The following UBE2G1 variants were observed in gnomAD, a reference collection of about 807,000 sequenced individuals.
UBE2G1 encodes the protein ubiquitin conjugating enzyme E2 G1.
Under a neutral mutation model 22.7 loss-of-function variants are expected in UBE2G1, and 5 were observed. The ratio of observed to expected loss-of-function variants is 0.22; its 90% CI spans 0.12 to 0.46. The LOEUF (loss-of-function observed/expected upper bound fraction) is 0.46. Among genes scored for constraint, UBE2G1 ranks in the 20% least tolerant of loss-of-function variants. The pLI is 0.99. For missense variants in UBE2G1, 88 were observed against 203.9 expected (o/e 0.43, Z 3.46); for synonymous variants, 74 against 67.5 (o/e 1.10, Z -0.47).
intron 1 of UBE2G1, among the ~76,000 whole-genome samples, chr17:4,331,086 T>C (rs1969572180): frequency 6.6e-6 from 1 of 152,072 alleles, no homozygotes; most frequent in Admixed American, 6.6e-5. Flanking sequence ...ATCAAACATT[T>C]TTTAAAGTTC....
chr17:4,357,785 C>A (rs148178009), intron 1 of UBE2G1, among the ~76,000 whole-genome samples: 1,811 of 151,600 alleles, frequency 0.012, 39 homozygotes, highest in African/African-American at 0.041. Context: ...GCAACAAGAG[C>A]GGAACTCTGT....
intron 1 of UBE2G1, among the ~76,000 whole-genome samples, chr17:4,363,738 G>A (rs573306913): frequency 4.6e-5 from 7 of 152,022 alleles, no homozygotes; most frequent in African/African-American, 1.2e-4. Context: ...GGATCACGAG[G>A]TCAGGAGATC....
At chr17:4,358,497 G>C (rs1329897255) in intron 1 of UBE2G1, among the ~76,000 whole-genome samples, 1 of 151,702 alleles carries the variant, frequency 6.6e-6, no homozygotes, top group East Asian at 1.9e-4. Flanking sequence ...AAATATTCTA[G>C]ATACAATCAG....
At chr17:4,347,480 TTTTTTTTTTTTG>T (rs1254938329) in intron 1 of UBE2G1, among the ~76,000 whole-genome samples, 1 of 143,450 alleles carries the variant, frequency 7.0e-6, no homozygotes, top group Non-Finnish European at 1.5e-5. Flanking sequence ...TTTTTTTTTT[TTTTTTTTTTTTG>T]GACATAGAGT....
chr17:4,362,966 T>C (rs1177432926), intron 1 of UBE2G1, among the ~76,000 whole-genome samples: 1 of 151,928 alleles, frequency 6.6e-6, no homozygotes, highest in Non-Finnish European at 1.5e-5. Flanking sequence ...CTACTAAAAA[T>C]ACAAAAATTG....
At position 4,312,388 on chromosome 17, in the gene UBE2G1, T is replaced by C. The variant is rs1242344424; in HGVS notation, c.47-5265A>G. On this transcript the variant is annotated intron_variant, in intron 1 of 5. Coordinates refer to ENST00000396981, the MANE Select transcript of UBE2G1 (RefSeq NM_003342.5). ...TAACCGAATGAATTCTAGAAAATATTAACAACTGAGAAACAAAAAACAGGA... is the reference window on the plus strand; with the variant it reads ...TAACCGAATGAATTCTAGAAAATATCAACAACTGAGAAACAAAAAACAGGA... Among the ~76,000 whole-genome samples the C allele has an allele frequency of 2.6e-5, 4 of 151,806 alleles. No individual in the cohort carries two copies. The Middle Eastern group carries it at 0.01, about 387-fold the overall frequency.
At chr17:4,343,357 C>G (rs956972816) in intron 1 of UBE2G1, among the ~76,000 whole-genome samples, 1 of 151,914 alleles carries the variant, frequency 6.6e-6, no homozygotes, top group Admixed American at 6.6e-5. Flanking sequence ...TTTGGGAGGC[C>G]CAGGTGGGTG....
Position 4,269,544 on chromosome 17 carries a change from A to G in UBE2G1, c.*3010T>C, listed in dbSNP as rs1032715017. 10 of 186,222 alleles carry G rather than the reference A, an allele frequency of 5.4e-5. No homozygotes were observed. Among genetic ancestry groups the G allele is most frequent in the African/African-American group, 1.7e-4 (7 of 41,584 alleles). The allele number at this position is 186,222 out of a possible 1,614,324, so 11.5% of individuals were successfully genotyped here. A position where few individuals can be genotyped will look rare whatever the true frequency, so the allele number is the denominator to read the frequency against. On this transcript the variant is annotated 3_prime_UTR_variant, in exon 6 of 6. Coordinates refer to ENST00000396981, the MANE Select transcript of UBE2G1 (RefSeq NM_003342.5). Reference sequence around the variant, plus strand: ...TCGTCGAGGGTGAGTGGGCATATCAAATAAAATCTCACAACCAAGAATGAA... The same window carrying G: ...TCGTCGAGGGTGAGTGGGCATATCAGATAAAATCTCACAACCAAGAATGAA...
intron 1 of UBE2G1, among the ~76,000 whole-genome samples, chr17:4,347,477 T>C (rs939746586): frequency 2.1e-5 from 3 of 142,190 alleles, no homozygotes; most frequent in African/African-American, 5.4e-5. Flanking sequence ...TTCTTTTTTT[T>C]TTTTTTTTTT....
At chr17:4,276,896 AACAAG>A (rs764076769) in intron 5 of UBE2G1, among the ~76,000 whole-genome samples, 1 of 152,156 alleles carries the variant, frequency 6.6e-6, no homozygotes, top group African/African-American at 2.4e-5. Context: ...AGAATTCCCA[AACAAG>A]ACAAAAGAGC....
Position 4,296,762 on chromosome 17 carries a change from G to T in UBE2G1, c.202C>A (p.Arg68=). 6.2e-7 allele frequency: 1 copy of T among 1,613,968 alleles called. No individual in the cohort carries two copies. Among genetic ancestry groups the T allele is most frequent in the Non-Finnish European group, 8.5e-7 (1 of 1,179,922 alleles). Residue 68 remains arginine, a synonymous_variant, in exon 3 of 6, where the codon CGA becomes AGA. Transcript: ENST00000396981. The stretch of plus-strand genomic sequence containing the variant: ...GTAATGAATTTCATTTTAGGAGGTC[G>T]GAGGGGATAATCTTTTGGGAAAGTA... ...HLTFPKDYPL[R]PPKMKFITEI...
chr17:4,288,527 C>T (rs1046720606), intron 4 of UBE2G1, among the ~76,000 whole-genome samples: 2 of 152,038 alleles, frequency 1.3e-5, no homozygotes, highest in Non-Finnish European at 2.9e-5. Flanking sequence ...TGCCCAGCCC[C>T]GATTCCTTAC....
Position 4,334,543 on chromosome 17 carries a change from G to A in UBE2G1, c.47-27420C>T, listed in dbSNP as rs192653899. On this transcript the variant is annotated intron_variant, in intron 1 of 5. Transcript: ENST00000396981. ...TCTCAAAAACAATGTGGTTTTACCT[G>A]TTTGTTTGTTTGTTTTTGAGAGGGA... Among the ~76,000 whole-genome samples the A allele has an allele frequency of 6.3e-3, 964 of 151,872 alleles. 12 individuals carry two copies. The highest frequency in any genetic ancestry group is 0.022 in the African/African-American group (922 of 41,418).
At chr17:4,319,861 A>G (rs1005281955) in intron 1 of UBE2G1, among the ~76,000 whole-genome samples, 2 of 152,184 alleles carry the variant, frequency 1.3e-5, no homozygotes, top group Non-Finnish European at 2.9e-5. Context: ...CAATCAAAAT[A>G]AAGAATTCAG....
intron 1 of UBE2G1, among the ~76,000 whole-genome samples, chr17:4,316,119 T>C (rs919101223): frequency 6.6e-6 from 1 of 152,164 alleles, no homozygotes; most frequent in South Asian, 2.1e-4. Flanking sequence ...CCAAGACCAA[T>C]TGTTGGCTAA....
chr17:4,351,775 T>C (rs1181782679), intron 1 of UBE2G1, among the ~76,000 whole-genome samples: 1 of 151,886 alleles, frequency 6.6e-6, no homozygotes, highest in Non-Finnish European at 1.5e-5. Context: ...GGTGAAAGAG[T>C]ATCAAGGAAG....
intron 2 of UBE2G1, among the ~76,000 whole-genome samples, chr17:4,303,479 G>T (rs1969210899): frequency 1.3e-5 from 2 of 152,114 alleles, no homozygotes; most frequent in Non-Finnish European, 2.9e-5. Flanking sequence ...AAATGAAACT[G>T]CTAAGACCAA....
chr17:4,306,215 A>G (rs1345082145), intron 2 of UBE2G1, among the ~76,000 whole-genome samples: 1 of 152,214 alleles, frequency 6.6e-6, no homozygotes, highest in African/African-American at 2.4e-5. Context: ...AGCCTTCTTA[A>G]AACACTGATG....
At chr17:4,328,875 A>G (rs1969531817) in intron 1 of UBE2G1, among the ~76,000 whole-genome samples, 3 of 152,194 alleles carry the variant, frequency 2.0e-5, no homozygotes, top group Admixed American at 2.0e-4. Flanking sequence ...TCACGAGGTC[A>G]GGAGATCAAG....
Sources: allele counts gnomAD v4.1 joint callset (sites outside exome capture counted in the v4.1 genomes callset), GRCh38; gene constraint gnomAD v4.1.1; transcripts MANE v1.5; gene names NCBI Gene and HGNC (gene_info 2026-07-23, HGNC 2026-07-21).